The following ROBO2 variants were observed in gnomAD, a reference collection of about 807,000 sequenced individuals.
ROBO2 encodes the protein roundabout guidance receptor 2.
Under a neutral mutation model 160.8 loss-of-function variants are expected in ROBO2, and 53 were observed. That is an observed-to-expected ratio of 0.33 (90% CI 0.26 to 0.41). The LOEUF is 0.41. Among genes scored for constraint, ROBO2 ranks in the 10% least tolerant of loss-of-function variants. The probability of loss-of-function intolerance (pLI) is 1.00; values close to 1 mark genes in which losing one functional copy is unlikely to be tolerated. For missense variants in ROBO2, 1,577 were observed against 1,722.4 expected (o/e 0.92, Z 1.49); for synonymous variants, 664 against 611.7 (o/e 1.09, Z -1.26).
At chr3:76,286,042 G>A (rs1246452067) in intron 2 of ROBO2, among the ~76,000 whole-genome samples, 1 of 152,144 alleles carries the variant, frequency 6.6e-6, no homozygotes, top group Non-Finnish European at 1.5e-5. Flanking sequence ...TGGATAATAT[G>A]TAAACACTTC....
intron 2 of ROBO2, among the ~76,000 whole-genome samples, chr3:76,507,299 G>A (rs1246047131): frequency 6.6e-6 from 1 of 151,854 alleles, no homozygotes; most frequent in Admixed American, 6.6e-5. Context: ...ATGAATATGA[G>A]TTTATTTATG....
At chr3:77,458,931 A>G (rs979984168) in intron 2 of ROBO2, among the ~76,000 whole-genome samples, 1 of 152,156 alleles carries the variant, frequency 6.6e-6, no homozygotes. Flanking sequence ...TGAACTTGAC[A>G]TCTTGGAACT....
chr3:76,648,108 G>T (rs1034671839), intron 2 of ROBO2, among the ~76,000 whole-genome samples: 1 of 151,112 alleles, frequency 6.6e-6, no homozygotes, highest in Non-Finnish European at 1.5e-5. Context: ...GCATGTTTTT[G>T]GGATATTAGT....
intron 2 of ROBO2, among the ~76,000 whole-genome samples, chr3:76,652,146 G>A (rs2091283131): frequency 6.6e-6 from 1 of 152,146 alleles, no homozygotes; most frequent in South Asian, 2.1e-4. Context: ...GGAGACCAAA[G>A]GCTAACTCAG....
chr3:76,097,040 T>A (rs1576842075), intron 2 of ROBO2, among the ~76,000 whole-genome samples: 1 of 152,098 alleles, frequency 6.6e-6, no homozygotes, highest in Non-Finnish European at 1.5e-5. Context: ...GCTACATTAC[T>A]CAGCAACATT....
chr3:76,221,548 G>A (rs1703967993), intron 2 of ROBO2, among the ~76,000 whole-genome samples: 1 of 152,210 alleles, frequency 6.6e-6, no homozygotes, highest in Admixed American at 6.5e-5. Context: ...TGTGGCTGTT[G>A]ATGAAACTAC....
At chr3:76,423,670 G>A (rs2076089135) in intron 2 of ROBO2, among the ~76,000 whole-genome samples, 1 of 152,122 alleles carries the variant, frequency 6.6e-6, no homozygotes, top group Non-Finnish European at 1.5e-5. Flanking sequence ...CTGGGTGCTT[G>A]CAAGGTATAA....
intron 2 of ROBO2, among the ~76,000 whole-genome samples, chr3:77,351,185 A>G (rs1183016439): frequency 6.6e-6 from 1 of 152,110 alleles, no homozygotes; most frequent in African/African-American, 2.4e-5. Flanking sequence ...TATTGTGACA[A>G]CCTCAAAATT....
At chr3:76,580,330 T>TGG (rs2085596138) in intron 2 of ROBO2, among the ~76,000 whole-genome samples, 1 of 136,214 alleles carries the variant, frequency 7.3e-6, no homozygotes, top group African/African-American at 2.8e-5. Flanking sequence ...TTTTTTTTGT[T>TGG]TTTTTTTTTG....
At chr3:76,771,245 A>G (rs1000239540) in intron 2 of ROBO2, among the ~76,000 whole-genome samples, 6 of 151,248 alleles carry the variant, frequency 4.0e-5, no homozygotes, top group Admixed American at 2.0e-4. Context: ...GCCACCGATG[A>G]TCTTCTTACA....
Position 76,848,001 on chromosome 3 carries a change from T to A in ROBO2, c.110-250013T>A, listed in dbSNP as rs551329789. Among the ~76,000 whole-genome samples the A allele has an allele frequency of 2.0e-3, 303 of 152,176 alleles. 1 individual carries two copies. Among genetic ancestry groups the A allele is most frequent in the South Asian group, 0.012 (56 of 4,824 alleles). On this transcript the variant is annotated intron_variant, in intron 2 of 26. Coordinates refer to the ROBO2 transcript ENST00000487694. ...GTGATCCTGGAATTAAAGAAAAAAA[T>A]GTTTAATTGCAATAAAAAATCTCAG...
At chr3:77,049,783 A>T (rs1327603282) in intron 1 of ROBO2, among the ~76,000 whole-genome samples, 1 of 152,218 alleles carries the variant, frequency 6.6e-6, no homozygotes, top group Non-Finnish European at 1.5e-5. Context: ...CATGGAATAT[A>T]ACTCAACTAT....
chr3:77,253,045 A>C (rs2090559198), intron 2 of ROBO2, among the ~76,000 whole-genome samples: 2 of 151,888 alleles, frequency 1.3e-5, no homozygotes, highest in African/African-American at 4.8e-5. Flanking sequence ...TCTAAGTTAA[A>C]GAGAACTAGG....
intron 22 of ROBO2, 43 bp downstream of exon 23, chr3:77,617,816 A>C (rs374969515): frequency 6.2e-7 from 1 of 1,604,126 alleles, no homozygotes; most frequent in Admixed American, 1.7e-5. Context: ...CTTTCAACAC[A>C]TGGAAATTTT....
intron 2 of ROBO2, among the ~76,000 whole-genome samples, chr3:77,193,063 T>C (rs1381945315): frequency 1.3e-5 from 2 of 152,044 alleles, no homozygotes; most frequent in Non-Finnish European, 2.9e-5. Context: ...TTAAAAAAAA[T>C]AAGCATTCTT....
At chr3:76,388,833 T>G (rs1847257) in intron 2 of ROBO2, among the ~76,000 whole-genome samples, 21,719 of 152,132 alleles carry the variant, frequency 0.14, 1,642 homozygotes, top group Non-Finnish European at 0.16. Context: ...TGTTTTATGC[T>G]TATAGATATT....
intron 2 of ROBO2, among the ~76,000 whole-genome samples, chr3:76,048,206 G>A (rs2067513781): frequency 6.6e-6 from 1 of 152,092 alleles, no homozygotes; most frequent in Non-Finnish European, 1.5e-5. Context: ...AAAGAAAATG[G>A]TTGCATTCAC....
chr3:77,047,294 A>G (rs2064767355), intron 1 of ROBO2, among the ~76,000 whole-genome samples: 1 of 152,180 alleles, frequency 6.6e-6, no homozygotes. Flanking sequence ...AAGTAATTTA[A>G]CCTTTTTATG....
chr3:77,196,106 C>A (rs1368169841), intron 2 of ROBO2, among the ~76,000 whole-genome samples: 4 of 152,192 alleles, frequency 2.6e-5, no homozygotes, highest in Non-Finnish European at 5.9e-5. Context: ...AGAGCCTTCC[C>A]TGGCAACTTG....
Sources: allele counts gnomAD v4.1 joint callset (sites outside exome capture counted in the v4.1 genomes callset), GRCh38; gene constraint gnomAD v4.1.1; transcripts MANE v1.5; gene names NCBI Gene and HGNC (gene_info 2026-07-23, HGNC 2026-07-21).